Variants in ZNF385D observed in about 807,000 individuals in gnomAD.
ZNF385D encodes the protein zinc finger protein 659.
In ZNF385D, 15 loss-of-function variants were observed where a neutral mutation model predicts 35.8. The observed-to-expected ratio is 0.42, with a 90% CI of 0.28 to 0.64. The LOEUF (loss-of-function observed/expected upper bound fraction) is 0.64. ZNF385D is among the 30% of genes least tolerant of loss of function. The pLI is 0.23. For synonymous variants in ZNF385D, 212 were observed against 186.8 expected, an observed-to-expected ratio of 1.13 and a Z score of -1.10; for missense variants, 474 against 494.6, an observed-to-expected ratio of 0.96 and a Z score of 0.39.
At chr3:21,755,222 G>C (rs947885634), upstream of ZNF385D, among the ~76,000 whole-genome samples, 1 of 152,092 alleles carries the variant, frequency 6.6e-6, no homozygotes, top group African/African-American at 2.4e-5. Context: ...CAATAAAATT[G>C]TATCCAGTGT....
At chr3:21,871,655 G>C (rs1313013340) in intron 3 of ZNF385D, among the ~76,000 whole-genome samples, 4 of 152,084 alleles carry the variant, frequency 2.6e-5, no homozygotes, top group African/African-American at 9.7e-5. Flanking sequence ...ATTTGATTAA[G>C]ATAGCATCCT....
At chr3:22,145,582 G>T (rs1176827730) in intron 3 of ZNF385D, among the ~76,000 whole-genome samples, 2 of 152,112 alleles carry the variant, frequency 1.3e-5, no homozygotes, top group African/African-American at 2.4e-5. Flanking sequence ...TATGTCTAAA[G>T]GAATGAATGA....
At chr3:22,159,007 A>G (rs1705774311) in intron 3 of ZNF385D, among the ~76,000 whole-genome samples, 1 of 152,096 alleles carries the variant, frequency 6.6e-6, no homozygotes, top group Non-Finnish European at 1.5e-5. Flanking sequence ...TTACTTTCCT[A>G]AGATTATAGA....
chr3:21,939,670 G>C (rs1440475921), intron 3 of ZNF385D, among the ~76,000 whole-genome samples: 1 of 152,128 alleles, frequency 6.6e-6, no homozygotes, highest in Non-Finnish European at 1.5e-5. Context: ...AATTATATTA[G>C]AAATGTCTTA....
At chr3:21,475,893 T>G (rs1457758729) in intron 4 of ZNF385D, among the ~76,000 whole-genome samples, 1 of 152,128 alleles carries the variant, frequency 6.6e-6, no homozygotes, top group Non-Finnish European at 1.5e-5. Flanking sequence ...TTATTTCCAG[T>G]GCATTATTAT....
intron 2 of ZNF385D, among the ~76,000 whole-genome samples, chr3:22,213,917 G>A (rs1697687183): frequency 2.0e-5 from 3 of 151,994 alleles, no homozygotes; most frequent in South Asian, 2.1e-4. Flanking sequence ...AATTTATAAA[G>A]CGAGCAATAA....
At chr3:22,198,193 C>G (rs951609622) in intron 2 of ZNF385D, among the ~76,000 whole-genome samples, 3 of 151,980 alleles carry the variant, frequency 2.0e-5, no homozygotes, top group African/African-American at 7.2e-5. Flanking sequence ...CAAAGAATTT[C>G]TAGTAGCTGG....
At chr3:22,299,664 T>C (rs556771752) in intron 2 of ZNF385D, among the ~76,000 whole-genome samples, 1 of 151,892 alleles carries the variant, frequency 6.6e-6, no homozygotes, top group South Asian at 2.1e-4. Context: ...CAGTAGCTTA[T>C]CTATACACTA....
intron 2 of ZNF385D, among the ~76,000 whole-genome samples, chr3:22,318,427 G>T (rs186726062): frequency 1.3e-5 from 2 of 152,294 alleles, no homozygotes; most frequent in African/African-American, 4.8e-5. Flanking sequence ...TGTCTCCAGT[G>T]TGAAGAAAGT....
intron 2 of ZNF385D, among the ~76,000 whole-genome samples, chr3:21,570,051 G>C (rs995348398): frequency 6.6e-6 from 1 of 150,560 alleles, no homozygotes; most frequent in Non-Finnish European, 1.5e-5. Context: ...AAAACTTAAA[G>C]TATAATAATA....
At chr3:22,127,748 A>G (rs987416430) in intron 3 of ZNF385D, among the ~76,000 whole-genome samples, 13 of 152,132 alleles carry the variant, frequency 8.5e-5, no homozygotes, top group Non-Finnish European at 1.8e-4. Context: ...ACAACCAAAG[A>G]AACTAAACAA....
chr3:21,463,128 T>C (rs1703285220), intron 4 of ZNF385D, among the ~76,000 whole-genome samples: 1 of 152,114 alleles, frequency 6.6e-6, no homozygotes, highest in Non-Finnish European at 1.5e-5. Flanking sequence ...ATTAAGAGTA[T>C]TACAAATCAT....
intron 3 of ZNF385D, among the ~76,000 whole-genome samples, chr3:21,881,850 T>A (rs774388331): frequency 6.6e-6 from 1 of 152,120 alleles, no homozygotes; most frequent in Admixed American, 6.6e-5. Flanking sequence ...CCAACCCTCA[T>A]GGATGACTGA....
intron 3 of ZNF385D, among the ~76,000 whole-genome samples, chr3:21,987,963 G>T (rs1183271676): frequency 6.8e-6 from 1 of 146,548 alleles, no homozygotes; most frequent in Non-Finnish European, 1.5e-5. Context: ...GATTGCATTG[G>T]CTCCTGAAGC....
rs149572297 is a variant in ZNF385D at position 21,980,704 on chromosome 3, C to G, written c.325+188113G>C. On this transcript the variant is annotated intron_variant, in intron 3 of 5. Coordinates refer to the ZNF385D transcript ENST00000494108. ...TATCCAATAGTTATCTTTGCTGTTCCTATCCCTCCTCTTTCTTCCAACCTC... is the reference window on the plus strand; with the variant it reads ...TATCCAATAGTTATCTTTGCTGTTCGTATCCCTCCTCTTTCTTCCAACCTC... Among the ~76,000 whole-genome samples, 14 of 152,238 alleles carry G rather than the reference C, an allele frequency of 9.2e-5. 1 individual carries two copies. In the East Asian group the frequency reaches 2.7e-3, roughly 29 times the overall value.
intron 4 of ZNF385D, among the ~76,000 whole-genome samples, chr3:21,450,429 A>G (rs754590625): frequency 6.6e-6 from 1 of 152,196 alleles, no homozygotes; most frequent in Non-Finnish European, 1.5e-5. Context: ...TAAGATTTCA[A>G]TCTGCTCCCA....
At chr3:21,905,402 G>A (rs1041231160) in intron 3 of ZNF385D, among the ~76,000 whole-genome samples, 1 of 151,770 alleles carries the variant, frequency 6.6e-6, no homozygotes, top group African/African-American at 2.4e-5. Flanking sequence ...TTTTATCCAA[G>A]GTTGTATTTA....
intron 3 of ZNF385D, among the ~76,000 whole-genome samples, chr3:22,000,205 T>C (rs970589973): frequency 1.3e-5 from 2 of 151,956 alleles, no homozygotes; most frequent in Non-Finnish European, 2.9e-5. Context: ...CTAAGGAGGC[T>C]GAGGCAGGAG....
At chr3:22,362,608 T>C (rs1365859488) in intron 2 of ZNF385D, among the ~76,000 whole-genome samples, 1 of 152,100 alleles carries the variant, frequency 6.6e-6, no homozygotes, top group Non-Finnish European at 1.5e-5. Context: ...GTACTTCTTA[T>C]CGTTCCGACT....
Sources: gnomAD v4.1 joint callset for allele counts (sites outside exome capture counted in the v4.1 genomes callset) on GRCh38, gnomAD v4.1.1 for gene constraint, MANE v1.5 for transcripts, NCBI Gene and HGNC (gene_info 2026-07-23, HGNC 2026-07-21) for gene names.